ASPRV1: variants seen among roughly 807,000 people sequenced by gnomAD.
ASPRV1 encodes aspartic peptidase retroviral like 1.
Under a neutral mutation model 11.0 loss-of-function variants are expected in ASPRV1, and 7 were observed. The ratio of observed to expected loss-of-function variants is 0.64; its 90% CI spans 0.36 to 1.20. The LOEUF is 1.20. Ranked by LOEUF, ASPRV1 falls within the 50% of genes most tolerant of loss-of-function variation. The pLI, the probability that ASPRV1 is intolerant of heterozygous loss-of-function variation, is 0.02. For synonymous variants in ASPRV1, 136 were observed against 138.4 expected (o/e 0.98, Z 0.12); for missense variants, 299 against 320.0 (o/e 0.93, Z 0.50).
the ASPRV1 span, among the ~76,000 whole-genome samples, chr2:70,054,566 G>A: frequency 6.6e-6 from 1 of 150,650 alleles, no homozygotes; most frequent in Non-Finnish European, 1.5e-5. Context: ...GACAGAGCAA[G>A]ACTCCGTCTC....
At chr2:70,012,756 C>T in the ASPRV1 span, among the ~76,000 whole-genome samples, 1 of 152,150 alleles carries the variant, frequency 6.6e-6, no homozygotes, top group African/African-American at 2.4e-5. Context: ...CTGCTGAATA[C>T]CTAAGTACTG....
At chr2:70,011,400 G>A in the ASPRV1 span, among the ~76,000 whole-genome samples, 1 of 152,198 alleles carries the variant, frequency 6.6e-6, no homozygotes, top group Admixed American at 6.5e-5. Context: ...GAAGGGATGA[G>A]CGCCTGAGCT....
chr2:69,935,098 A>T, the ASPRV1 span, among the ~76,000 whole-genome samples: 1 of 152,244 alleles, frequency 6.6e-6, no homozygotes, highest in Non-Finnish European at 1.5e-5. Flanking sequence ...TGACTATATA[A>T]TAGCAGATAT....
the ASPRV1 span, among the ~76,000 whole-genome samples, chr2:70,051,901 G>A: frequency 1.3e-5 from 2 of 152,098 alleles, no homozygotes; most frequent in Non-Finnish European, 1.5e-5. Flanking sequence ...CTTAAGCCCA[G>A]GAGGTAAAGT....
the ASPRV1 span, chr2:69,939,973 T>C: frequency 6.6e-6 from 1 of 152,228 alleles, no homozygotes; most frequent in Non-Finnish European, 1.5e-5. Context: ...GAAAGCAAGA[T>C]TACTTTTGTG....
chr2:69,946,863 A>G, the ASPRV1 span, among the ~76,000 whole-genome samples: 1 of 151,850 alleles, frequency 6.6e-6, no homozygotes, highest in South Asian at 2.1e-4. Flanking sequence ...GGAAGGTCAA[A>G]ACGACCCTAA....
chr2:70,056,071 A>C, the ASPRV1 span: 8 of 152,324 alleles, frequency 5.3e-5, no homozygotes, highest in Admixed American at 1.3e-4. Flanking sequence ...ACATTATGCT[A>C]AGTAAAATAA....
the ASPRV1 span, chr2:69,940,467 G>C: frequency 2.0e-5 from 3 of 152,666 alleles, 1 homozygote; most frequent in South Asian, 2.1e-4. Flanking sequence ...GCTTGCACTG[G>C]GGGAGGGAAG....
the ASPRV1 span, among the ~76,000 whole-genome samples, chr2:70,028,098 C>G: frequency 6.6e-6 from 1 of 152,072 alleles, no homozygotes; most frequent in Non-Finnish European, 1.5e-5. Flanking sequence ...ACCTAAAACC[C>G]ATAATTAGAA....
At chr2:69,937,463 G>A in the ASPRV1 span, 1 of 1,421,486 alleles carries the variant, frequency 7.0e-7, no homozygotes, top group Non-Finnish European at 9.4e-7. Context: ...GTTCAGTACT[G>A]CGGACAGGAG....
chr2:69,961,366 C>G lies in ASPRV1; in HGVS notation c.71G>C (p.Gly24Ala), dbSNP rs1390412339. 1 of 1,614,100 alleles carries G rather than the reference C, an allele frequency of 6.2e-7. No individual in the cohort carries two copies. The highest frequency in any genetic ancestry group is 1.3e-5 in the African/African-American group (1 of 75,018). ...QHAFVPEPFD[G>A]ANVVPNLWLH... ...CCAGAGGTTTGGGACGACATTGGCC[C>G]CATCAAAAGGTTCCGGGACGAAGGC... is the stretch of plus-strand genomic sequence containing the variant. The change falls in exon 1 of 1, where the codon GGG becomes GCG. Residue 24 changes from glycine (G) to alanine (A), a missense_variant. Coordinates refer to ENST00000320256, the MANE Select transcript of ASPRV1 (RefSeq NM_152792.4).
the ASPRV1 span, among the ~76,000 whole-genome samples, chr2:70,076,899 GT>G: frequency 6.6e-6 from 1 of 152,178 alleles, no homozygotes; most frequent in Non-Finnish European, 1.5e-5. Context: ...TTCAAGTGCA[GT>G]TTCTAATTAA....
the ASPRV1 span, among the ~76,000 whole-genome samples, chr2:69,994,944 G>A: frequency 6.6e-5 from 10 of 152,040 alleles, no homozygotes; most frequent in African/African-American, 2.2e-4. Context: ...GGAGCTTGCA[G>A]TGAGCCGAGA....
the ASPRV1 span, among the ~76,000 whole-genome samples, chr2:70,021,802 A>T: frequency 2.0e-5 from 3 of 151,632 alleles, no homozygotes; most frequent in East Asian, 5.8e-4. Context: ...TCCCGGGTTC[A>T]TGCGATTCTC....
chr2:70,007,041 A>G, the ASPRV1 span, among the ~76,000 whole-genome samples: 1 of 152,212 alleles, frequency 6.6e-6, no homozygotes, highest in Admixed American at 6.5e-5. Flanking sequence ...CAGGCAGTAA[A>G]AGGACCTATC....
At chr2:70,066,738 C>G in the ASPRV1 span, among the ~76,000 whole-genome samples, 1 of 152,220 alleles carries the variant, frequency 6.6e-6, no homozygotes, top group East Asian at 1.9e-4. Context: ...TCTGGGACCA[C>G]AGATGTTCAC....
At chr2:70,061,864 G>A in the ASPRV1 span, among the ~76,000 whole-genome samples, 1 of 151,924 alleles carries the variant, frequency 6.6e-6, no homozygotes, top group Non-Finnish European at 1.5e-5. Flanking sequence ...TCTGCAGGCT[G>A]AGGCAGGAGA....
chr2:70,081,301 T>C, the ASPRV1 span: 2 of 152,128 alleles, frequency 1.3e-5, no homozygotes, highest in African/African-American at 2.4e-5. Flanking sequence ...TTTTCCATCC[T>C]GGCTAACACA....
chr2:69,992,752 T>G, the ASPRV1 span, among the ~76,000 whole-genome samples: 1 of 152,256 alleles, frequency 6.6e-6, no homozygotes, highest in Non-Finnish European at 1.5e-5. Flanking sequence ...TAGGTTATTA[T>G]TGTGATTTCA....
Sources: allele counts gnomAD v4.1 joint callset (sites outside exome capture counted in the v4.1 genomes callset), GRCh38; gene constraint gnomAD v4.1.1; transcripts MANE v1.5; gene names NCBI Gene and HGNC (gene_info 2026-07-23, HGNC 2026-07-21).